Variants in A4GNT observed in about 807,000 individuals in gnomAD.
The protein encoded by A4GNT is alpha-1,4-N-acetylglucosaminyltransferase.
Under a neutral mutation model 8.3 loss-of-function variants are expected in A4GNT, and 6 were observed. That is an observed-to-expected ratio of 0.72 (90% CI 0.39 to 1.42). The LOEUF (loss-of-function observed/expected upper bound fraction) is 1.42, where lower values mean the gene tolerates loss of function less well. Ranked by LOEUF, A4GNT falls within the 40% of genes most tolerant of loss-of-function variation. The pLI is 0.02. For missense variants in A4GNT, 377 were observed against 417.0 expected, an observed-to-expected ratio of 0.90 and a Z score of 0.84; for synonymous variants, 157 against 159.8, an observed-to-expected ratio of 0.98 and a Z score of 0.13.
intron 2 of A4GNT, among the ~76,000 whole-genome samples, chr3:138,126,391 T>G (rs1218362588): frequency 9.2e-5 from 14 of 151,448 alleles, no homozygotes; most frequent in Non-Finnish European, 2.1e-4. Context: ...TTGTTTGTTT[T>G]TTAATTTTAA....
intron 1 of A4GNT, 38 bp from the exon 2 acceptor site, chr3:138,131,320 A>C (rs2042776155): frequency 1.4e-6 from 2 of 1,413,164 alleles, no homozygotes; most frequent in East Asian, 4.8e-5. Flanking sequence ...TCACAGCTGC[A>C]AAACCTGACA....
In A4GNT at chr3:138,123,937, G is replaced by T. The variant is rs1329202268; in HGVS notation, c.*327C>A. 8.0e-6 allele frequency: 2 copies of T among 249,154 alleles called. No homozygotes were observed. Among genetic ancestry groups the T allele is most frequent in the Non-Finnish European group, 1.6e-5 (2 of 128,828 alleles). The allele number at this position is 249,154 out of a possible 1,614,324, so 15.4% of individuals were successfully genotyped here. On this transcript the variant is annotated 3_prime_UTR_variant, in exon 3 of 3. Coordinates refer to ENST00000236709, the MANE Select transcript of A4GNT (RefSeq NM_016161.3). ...CTCTTGCAGCTACATCTCAGTCAGT[G>T]CAATGTAAGAGAAAGTGTTATACGG...
upstream of A4GNT, among the ~76,000 whole-genome samples, chr3:138,132,774 TA>T (rs1464595445): frequency 6.6e-6 from 1 of 152,090 alleles, no homozygotes; most frequent in Non-Finnish European, 1.5e-5. Context: ...AAAGTTTGAT[TA>T]AAAGGAAAGA....
rs1318954768 is a variant in A4GNT at position 138,130,913 on chromosome 3, A to T, written c.344T>A (p.Phe115Tyr). 1 of 1,614,200 alleles carries T rather than the reference A, an allele frequency of 6.2e-7. No homozygotes were observed. Among genetic ancestry groups the T allele is most frequent in the South Asian group, 1.1e-5 (1 of 91,078 alleles). The change falls in exon 2 of 3, where the codon TTC (phenylalanine) becomes TAC (tyrosine). Residue 115 changes from phenylalanine (F) to tyrosine (Y), a missense_variant. Transcript: ENST00000236709. ...FSFLSAIDNV[F>Y]LFPLDMKRLL... is the part of the protein sequence containing the mutation. Reference sequence around the variant, plus strand: ...CCTTTTCATATCCAAAGGGAAGAGGAAAACGTTGTCTATTGCTGACAGGAA... The same window carrying T: ...CCTTTTCATATCCAAAGGGAAGAGGTAAACGTTGTCTATTGCTGACAGGAA...
At position 138,124,747 on chromosome 3, in the gene A4GNT, G is replaced by T. The variant is rs776307704; in HGVS notation, c.540C>A (p.Asn180Lys). The T allele has an allele frequency of 5.0e-6, 8 of 1,614,080 alleles. No homozygotes were observed. Among genetic ancestry groups the T allele is most frequent in the African/African-American group, 4.0e-5 (3 of 74,940 alleles). ...VISIRPIPEE[N>K]FLAAQASRYS... ...ACCGAGAAGCCTGCGCAGCCAAAAAGTTCTCCTCAGGGATGGGCCTGATGG... is the reference window on the plus strand; with the variant it reads ...ACCGAGAAGCCTGCGCAGCCAAAAATTTCTCCTCAGGGATGGGCCTGATGG... Residue 180 changes from asparagine (N) to lysine (K), a missense_variant, in exon 3 of 3, where the codon AAC becomes AAA. Asn to Lys is a moderately conservative substitution (Grantham distance 94). Transcript: ENST00000236709.
intron 1 of A4GNT, 119 bp from the exon 2 acceptor site, chr3:138,131,401 T>A: frequency 1.1e-6 from 1 of 881,928 alleles, no homozygotes; most frequent in Non-Finnish European, 1.6e-6. Flanking sequence ...CTAAATAAAA[T>A]ATGATGAAAT....
At chr3:138,128,892 C>T (rs573501356) in intron 2 of A4GNT, among the ~76,000 whole-genome samples, 1 of 151,962 alleles carries the variant, frequency 6.6e-6, no homozygotes, top group East Asian at 1.9e-4. Flanking sequence ...AATCCATGAA[C>T]TGCCCCACCT....
Position 138,124,350 on chromosome 3 carries a change from G to T in A4GNT, c.937C>A (p.Arg313Ser). The change falls in exon 3 of 3, where the codon CGC (arginine) becomes AGC (serine). Residue 313 changes from arginine to serine, a missense_variant. Coordinates refer to ENST00000236709, the MANE Select transcript of A4GNT (RefSeq NM_016161.3). The stretch of plus-strand genomic sequence containing the variant: ...CTGTAAGTCCTGGGACAGTGCTTGC[G>T]ATAGAGATTTTCCACCAGTGTGTTG... ...GSNTLVENLY[R>S]KHCPRTYRDL... 6.2e-7 allele frequency: 1 copy of T among 1,614,242 alleles called. No individual in the cohort carries two copies. Among genetic ancestry groups the T allele is most frequent in the Non-Finnish European group, 8.5e-7 (1 of 1,180,050 alleles).
intron 2 of A4GNT, among the ~76,000 whole-genome samples, chr3:138,129,698 T>G (rs2042765178): frequency 6.6e-6 from 1 of 152,210 alleles, no homozygotes; most frequent in Non-Finnish European, 1.5e-5. Context: ...ATATTTACTA[T>G]CTGGCCCTAC....
At chr3:138,130,812 C>T (rs369004072) in intron 2 of A4GNT, 37 bp downstream of exon 2, 3 of 1,596,822 alleles carry the variant, frequency 1.9e-6, no homozygotes, top group African/African-American at 2.7e-5. Context: ...CCCATATATA[C>T]AATTCGTTGA....
Position 138,124,466 on chromosome 3 carries a change from A to C in A4GNT, c.821T>G (p.Val274Gly). 1 of 1,614,182 alleles carries C rather than the reference A, an allele frequency of 6.2e-7. No individual in the cohort carries two copies. ...ATTGAAGCTTGGCTCTGTATCCCAC[A>C]CTTCATAGTAGCGCCTCCACTCTCG... ...SYREWRRYYE[V>G]WDTEPSFNVS... Residue 274 changes from valine to glycine, a missense_variant, in exon 3 of 3, where the codon GTG becomes GGG. By Grantham distance (109) the Val-to-Gly change is moderately radical. Coordinates refer to ENST00000236709, the MANE Select transcript of A4GNT (RefSeq NM_016161.3).
chr3:138,132,660 G>C (rs944414706), upstream of A4GNT, among the ~76,000 whole-genome samples: 1 of 152,184 alleles, frequency 6.6e-6, no homozygotes, highest in Admixed American at 6.5e-5. Flanking sequence ...CTGTATCCTG[G>C]CATAACCTTG....
chr3:138,130,800 T>G, intron 2 of A4GNT, 49 bp downstream of exon 2: 1 of 1,573,972 alleles, frequency 6.4e-7, no homozygotes, highest in African/African-American at 1.4e-5. Context: ...ACCCTCAGTT[T>G]ACCCATATAT....
intron 1 of A4GNT, 45 bp from the exon 2 acceptor site, chr3:138,131,327 G>A: frequency 7.3e-7 from 1 of 1,378,464 alleles, no homozygotes; most frequent in Non-Finnish European, 9.5e-7. Context: ...TGCAAAACCT[G>A]ACAAAGATAG....
At chr3:138,127,971 T>A (rs76829155) in intron 2 of A4GNT, among the ~76,000 whole-genome samples, 1 of 152,124 alleles carries the variant, frequency 6.6e-6, no homozygotes. Flanking sequence ...AAATCCAACA[T>A]AGTAAAATTA....
chr3:138,127,960 A>C (rs2042755790), intron 2 of A4GNT, among the ~76,000 whole-genome samples: 1 of 152,202 alleles, frequency 6.6e-6, no homozygotes, highest in Non-Finnish European at 1.5e-5. Context: ...TCTTGCTCCT[A>C]AAATCCAACA....
chr3:138,124,754 T>C lies in A4GNT; in HGVS notation c.533A>G (p.Glu178Gly). The C allele has an allele frequency of 2.5e-6, 4 of 1,614,162 alleles. No homozygotes were observed. The highest frequency in any genetic ancestry group is 3.4e-6 in the Non-Finnish European group (4 of 1,180,028). ...TDVISIRPIP[E>G]ENFLAAQASR... is the part of the protein sequence containing the mutation. ...AGCCTGCGCAGCCAAAAAGTTCTCC[T>C]CAGGGATGGGCCTGATGGAGATGAC... Residue 178 changes from glutamate to glycine, a missense_variant, in exon 3 of 3, where the codon GAG becomes GGG. Coordinates refer to ENST00000236709, the MANE Select transcript of A4GNT (RefSeq NM_016161.3).
chr3:138,132,383 G>A lies in A4GNT; in HGVS notation c.-198C>T, dbSNP rs1034798629. ...CAGTTAACCAGTATTTGAGGTCTTA[G>A]AAATGACAAGTTCTTCCTGCTACAC... is the stretch of plus-strand genomic sequence containing the variant. On this transcript the variant is annotated 5_prime_UTR_variant, in exon 1 of 3. Transcript: ENST00000236709. The A allele has an allele frequency of 2.0e-5, 3 of 152,232 alleles. No homozygotes were observed. The highest frequency in any genetic ancestry group is 7.2e-5 in the African/African-American group (3 of 41,466). 9.4% of individuals were successfully genotyped at this position (152,232 alleles called of 1,614,324 possible). A position where few individuals can be genotyped will look rare whatever the true frequency, so the allele number is the denominator to read the frequency against.
At chr3:138,131,907 A>G (rs2042780887) in intron 1 of A4GNT, among the ~76,000 whole-genome samples, 1 of 152,228 alleles carries the variant, frequency 6.6e-6, no homozygotes, top group African/African-American at 2.4e-5. Flanking sequence ...TAAGATCAGG[A>G]ATATGATATG....
Sources: allele counts gnomAD v4.1 joint callset (sites outside exome capture counted in the v4.1 genomes callset), GRCh38; gene constraint gnomAD v4.1.1; transcripts MANE v1.5; gene names NCBI Gene and HGNC (gene_info 2026-07-23, HGNC 2026-07-21).